The following AP1M2 variants were observed in gnomAD, a reference collection of about 807,000 sequenced individuals.
AP1M2 encodes the protein adaptor related protein complex 1 subunit mu 2.
Under a neutral mutation model 54.6 loss-of-function variants are expected in AP1M2, and 41 were observed. The observed-to-expected ratio is 0.75, with a 90% confidence interval of 0.59 to 0.97. The LOEUF is 0.97. Among genes scored for constraint, AP1M2 ranks in the 50% least tolerant of loss-of-function variants. The pLI, the probability that AP1M2 is intolerant of heterozygous loss-of-function variation, is 0.00. For missense variants in AP1M2, 507 were observed against 561.2 expected, an observed-to-expected ratio of 0.90 and a Z score of 0.98; for synonymous variants, 219 against 215.9, an observed-to-expected ratio of 1.01 and a Z score of -0.13.
At chr19:10,586,049 C>T (rs550134233) in intron 1 of AP1M2, among the ~76,000 whole-genome samples, 1 of 152,066 alleles carries the variant, frequency 6.6e-6, no homozygotes, top group East Asian at 1.9e-4. Context: ...TTTGGGAGGC[C>T]GAGGTGGGCG....
intron 7 of AP1M2, 116 bp downstream of exon 7, chr19:10,579,600 C>A: frequency 8.1e-7 from 1 of 1,237,634 alleles, no homozygotes; most frequent in East Asian, 2.6e-5. Flanking sequence ...GTGATCCACC[C>A]GACTCAGCCT....
chr19:10,579,244 G>A (rs939704588), intron 7 of AP1M2, among the ~76,000 whole-genome samples: 14 of 151,322 alleles, frequency 9.3e-5, no homozygotes, highest in Non-Finnish European at 2.1e-4. Context: ...GCGAAACCCC[G>A]TCTCTACTAA....
At chr19:10,575,060 A>G (rs1295445852) in intron 9 of AP1M2, 31 bp from the exon 10 acceptor site, 1 of 1,453,266 alleles carries the variant, frequency 6.9e-7, no homozygotes, top group Non-Finnish European at 9.1e-7. Flanking sequence ...CAGGTACACG[A>G]GGGTCCGCCT....
intron 11 of AP1M2, among the ~76,000 whole-genome samples, chr19:10,574,116 G>A (rs1042960705): frequency 1.3e-5 from 2 of 152,072 alleles, no homozygotes; most frequent in Non-Finnish European, 2.9e-5. Context: ...TCCACCTCCC[G>A]GGTTCAAGCA....
rs903234560 is a variant in AP1M2, at chr19:10,582,136, G to A, written c.268-258C>T. Among the ~76,000 whole-genome samples the A allele has an allele frequency of 3.3e-5, 5 of 151,896 alleles. 1 individual carries two copies. On this transcript the variant is annotated intron_variant, in intron 3 of 11. Coordinates refer to ENST00000250244, the MANE Select transcript of AP1M2 (RefSeq NM_005498.5). ...TCGGCTCACTGCAACTCCTGCCTCC[G>A]GGGTTCAAGCGATTCTCCTGCCTCA...
rs1409814384 is a variant in AP1M2, at chr19:10,579,439, T to TA, written c.816+276dup. ...TCAAAAAAATAATAATAATAAAAAT[T>TA]AAAAAAAACAAATAAAGCAATTCTC... On this transcript the variant is annotated intron_variant, in intron 7 of 11. Transcript: ENST00000250244. Among the ~76,000 whole-genome samples, 14 of 151,820 alleles carry TA rather than the reference T, an allele frequency of 9.2e-5. 1 individual carries two copies. The highest frequency in any genetic ancestry group is 1.5e-4 in the Non-Finnish European group (10 of 67,944).
chr19:10,583,428 A>C, intron 3 of AP1M2, 178 bp downstream of exon 3: 1 of 468,760 alleles, frequency 2.1e-6, no homozygotes, highest in East Asian at 3.2e-5. Context: ...TCAATCCAGA[A>C]GTTCTAGACC....
At chr19:10,581,414 A>C (rs1367705714) in intron 5 of AP1M2, 22 bp from the exon 6 acceptor site, 1 of 1,610,444 alleles carries the variant, frequency 6.2e-7, no homozygotes, top group Non-Finnish European at 8.5e-7. Flanking sequence ...CGTTGGGTAT[A>C]GTTAGCAGGC....
chr19:10,577,423 C>CCTTT (rs1917277124), intron 8 of AP1M2, 67 bp from the exon 9 acceptor site: 2 of 371,226 alleles, frequency 5.4e-6, no homozygotes, highest in Non-Finnish European at 4.1e-6. Flanking sequence ...TTACCAAGCC[C>CCTTT]TTTTTTTTTT....
At chr19:10,581,058 G>A (rs1917426399) in intron 6 of AP1M2, among the ~76,000 whole-genome samples, 1 of 152,196 alleles carries the variant, frequency 6.6e-6, no homozygotes, top group Admixed American at 6.6e-5. Context: ...TGTGTCCTCA[G>A]AGCCTAAAAC....
chr19:10,587,079 G>C, intron 1 of AP1M2, 111 bp downstream of exon 1: 1 of 1,212,720 alleles, frequency 8.2e-7, no homozygotes, highest in Admixed American at 2.2e-5. Context: ...GGATTGCAGG[G>C]GGAGGGGGTG....
At chr19:10,579,581 T>C in intron 7 of AP1M2, 135 bp downstream of exon 7, 2 of 1,002,482 alleles carry the variant, frequency 2.0e-6, no homozygotes, top group East Asian at 2.8e-5. Context: ...CTCGAACTCC[T>C]GTCCTCAAGT....
chr19:10,574,672 G>A (rs960131313), intron 10 of AP1M2, among the ~76,000 whole-genome samples, 180 bp from the exon 11 acceptor site: 2 of 152,234 alleles, frequency 1.3e-5, no homozygotes, highest in Admixed American at 6.5e-5. Flanking sequence ...GGCTTTGGAG[G>A]TGGAGAAGGG....
intron 3 of AP1M2, among the ~76,000 whole-genome samples, chr19:10,582,559 C>A (rs1418662988): frequency 6.6e-6 from 1 of 151,664 alleles, no homozygotes; most frequent in African/African-American, 2.4e-5. Flanking sequence ...GACCAGCTGG[C>A]CAACATGGCA....
At position 10,579,808 on chromosome 19, in the gene AP1M2, C is replaced by T. The variant is rs759195288; in HGVS notation, c.724G>A (p.Val242Met). Residue 242 changes from valine to methionine, a missense_variant, in exon 7 of 12, where the codon GTG becomes ATG. Transcript: ENST00000250244. Reference sequence around the variant, plus strand: ...TCGTTGTCAAAGCGAGAGAGCCGCACGCACTGGTGGAATTTTACATCCTCC... The same window carrying T: ...TCGTTGTCAAAGCGAGAGAGCCGCATGCACTGGTGGAATTTTACATCCTCC... ...ELEDVKFHQC[V>M]RLSRFDNDRT... 1.7e-5 allele frequency: 27 copies of T among 1,613,376 alleles called. No individual in the cohort carries two copies. The highest frequency in any genetic ancestry group is 5.5e-5 in the South Asian group (5 of 90,984).
intron 8 of AP1M2, 21 bp from the exon 9 acceptor site, chr19:10,577,377 G>A (rs1267518812): frequency 6.3e-7 from 1 of 1,578,374 alleles, no homozygotes; most frequent in Admixed American, 1.8e-5. Flanking sequence ...AGCGAGCATG[G>A]GGCACGAAGA....
At chr19:10,585,025 G>C (rs1290008789) in intron 1 of AP1M2, 1 of 151,658 alleles carries the variant, frequency 6.6e-6, no homozygotes, top group Non-Finnish European at 1.5e-5. Context: ...GACCAGCTTT[G>C]GCAACATAGC....
At chr19:10,575,482 G>A (rs1018997303) in intron 9 of AP1M2, among the ~76,000 whole-genome samples, 1 of 152,022 alleles carries the variant, frequency 6.6e-6, no homozygotes, top group African/African-American at 2.4e-5. Context: ...CAAGGGATGT[G>A]GGTCACCTCA....
intron 7 of AP1M2, among the ~76,000 whole-genome samples, chr19:10,579,439 T>A (rs981546130): frequency 3.9e-5 from 6 of 151,940 alleles, no homozygotes; most frequent in African/African-American, 1.2e-4. Context: ...TAATAAAAAT[T>A]AAAAAAAACA....
Sources: allele counts gnomAD v4.1 joint callset (sites outside exome capture counted in the v4.1 genomes callset), GRCh38; gene constraint gnomAD v4.1.1; transcripts MANE v1.5; gene names NCBI Gene and HGNC (gene_info 2026-07-23, HGNC 2026-07-21).